The following COLQ variants were observed in gnomAD, a reference collection of about 807,000 sequenced individuals.
The protein encoded by COLQ is collagen like tail subunit of asymmetric acetylcholinesterase.
In COLQ, 48 loss-of-function variants were observed where a neutral mutation model predicts 69.0. That is an observed-to-expected ratio of 0.70 (90% confidence interval 0.55 to 0.88). The LOEUF (loss-of-function observed/expected upper bound fraction) is 0.88. COLQ is among the 40% of genes least tolerant of loss of function. COLQ has a pLI of 0.00. For missense variants in COLQ, 618 were observed against 594.6 expected, an observed-to-expected ratio of 1.04 and a Z score of -0.41; for synonymous variants, 217 against 211.2, an observed-to-expected ratio of 1.03 and a Z score of -0.24.
chr3:15,452,714 A>T (rs1037245386), intron 16 of COLQ, among the ~76,000 whole-genome samples: 1 of 152,162 alleles, frequency 6.6e-6, no homozygotes, highest in Non-Finnish European at 1.5e-5. Flanking sequence ...CACTGCACAC[A>T]GACACATACA....
At position 15,474,856 on chromosome 3, in the gene COLQ, G is replaced by A. The variant is rs138483102; in HGVS notation, c.555+69C>T. 2.6e-6 allele frequency: 4 copies of A among 1,558,982 alleles called. No homozygotes were observed. In the African/African-American group the frequency reaches 4.1e-5, roughly 16 times the overall value. ...AAAGAGAGACCTGGACCCATTCTCT[G>A]CATGTCTCTGATTCCAGAGCCAGTA... On this transcript the variant is annotated intron_variant, in intron 8 of 16. Transcript: ENST00000383788.
intron 1 of COLQ, among the ~76,000 whole-genome samples, chr3:15,511,719 A>C (rs79199464): frequency 0.02 from 2,990 of 152,216 alleles, 46 homozygotes; most frequent in Non-Finnish European, 0.031. Flanking sequence ...ATTCCTGGAC[A>C]CTGTGCTCAG....
chr3:15,474,837 A>T, intron 8 of COLQ, 88 bp downstream of exon 8: 1 of 1,465,586 alleles, frequency 6.8e-7, no homozygotes, highest in East Asian at 2.3e-5. Context: ...GACTAAAGAG[A>T]GACCTGGACC....
intron 3 of COLQ, among the ~76,000 whole-genome samples, chr3:15,485,199 G>A (rs2062554284): frequency 6.6e-6 from 1 of 152,200 alleles, no homozygotes; most frequent in Non-Finnish European, 1.5e-5. Context: ...CACCAGTGGA[G>A]GCTGCAGAAC....
At chr3:15,478,930 G>C (rs2062428296) in intron 5 of COLQ, 47 bp downstream of exon 5, 1 of 1,613,308 alleles carries the variant, frequency 6.2e-7, no homozygotes. Flanking sequence ...GCACACACAT[G>C]AAGCACAGAC....
chr3:15,515,936 G>A (rs955471159), intron 1 of COLQ, among the ~76,000 whole-genome samples: 2 of 152,230 alleles, frequency 1.3e-5, no homozygotes, highest in South Asian at 4.1e-4. Flanking sequence ...TGTGGCAGTG[G>A]TGGCTGTGGA....
At chr3:15,478,868 G>T in intron 5 of COLQ, 109 bp downstream of exon 5, 2 of 1,276,082 alleles carry the variant, frequency 1.6e-6, no homozygotes, top group South Asian at 1.2e-5. Context: ...GTCCACCTGG[G>T]TATCAGTGAC....
intron 3 of COLQ, among the ~76,000 whole-genome samples, chr3:15,486,354 A>G (rs947968873): frequency 6.6e-6 from 1 of 152,174 alleles, no homozygotes; most frequent in African/African-American, 2.4e-5. Context: ...ACCAGCTCCC[A>G]TATGATACCA....
intron 5 of COLQ, 60 bp from the exon 6 acceptor site, chr3:15,477,257 T>C: frequency 6.8e-7 from 1 of 1,478,650 alleles, no homozygotes; most frequent in Non-Finnish European, 9.3e-7. Flanking sequence ...TTCTAATAAA[T>C]ATGTTTTGTC....
At chr3:15,520,297 T>C (rs1332289024) in intron 1 of COLQ, among the ~76,000 whole-genome samples, 1 of 152,186 alleles carries the variant, frequency 6.6e-6, no homozygotes, top group African/African-American at 2.4e-5. Context: ...CCTCCTGAAT[T>C]CTCCACAAAT....
chr3:15,496,426 C>T lies in COLQ; in HGVS notation c.107-6789G>A, dbSNP rs543087014. The T allele has an allele frequency of 2.6e-5, 4 of 156,080 alleles. No individual in the cohort carries two copies. The South Asian group carries it at 6.1e-4, about 24-fold the overall frequency. 9.7% of individuals were successfully genotyped at this position (156,080 alleles called of 1,614,324 possible). On this transcript the variant is annotated intron_variant, in intron 1 of 16. Coordinates refer to ENST00000383788, the MANE Select transcript of COLQ (RefSeq NM_005677.4). ...CTCCCAGTCAACTAAGCCAGGACTT[C>T]ACATGTCTATTTTGGTGTCATCCGA...
rs118113595 is a variant in COLQ at position 15,486,375 on chromosome 3, T to C, written c.321+1831A>G. Among the ~76,000 whole-genome samples, 63 of 152,292 alleles carry C rather than the reference T, an allele frequency of 4.1e-4. 2 individuals are homozygous for C. The East Asian group carries it at 9.3e-3, about 22-fold the overall frequency. Reference sequence around the variant, plus strand: ...TCCCATATGATACCAATGTTGCTGGTTCACAGACCTCACTTTGAGTAGGGA... The same window carrying C: ...TCCCATATGATACCAATGTTGCTGGCTCACAGACCTCACTTTGAGTAGGGA... On this transcript the variant is annotated intron_variant, in intron 3 of 16. Transcript: ENST00000383788.
chr3:15,465,276 ATTTATTTT>A lies in COLQ; in HGVS notation c.814+1057_814+1064del, dbSNP rs1559515592. Among the ~76,000 whole-genome samples, 8 of 143,964 alleles carry A rather than the reference ATTTATTTT, an allele frequency of 5.6e-5. No individual in the cohort carries two copies. In the East Asian group the frequency reaches 1.6e-3, roughly 28 times the overall value. 94.4% of individuals were successfully genotyped at this position (143,964 alleles called of 152,430 possible). ...TATTTATTTATTTATTTATTTATTT[ATTTATTTT>A]GAGATGGAGTCTCGCTCTGTCACCC... is the stretch of plus-strand genomic sequence containing the variant. On this transcript the variant is annotated intron_variant, in intron 12 of 16. Transcript: ENST00000383788.
chr3:15,498,007 G>C (rs1240222185), intron 1 of COLQ, among the ~76,000 whole-genome samples: 1 of 152,194 alleles, frequency 6.6e-6, no homozygotes, highest in Non-Finnish European at 1.5e-5. Flanking sequence ...AGCAGGCAAG[G>C]ATACAACCTA....
rs549376880 is a variant in COLQ, at chr3:15,495,678, A to G, written c.107-6041T>C. Reference sequence around the variant, plus strand: ...GCAAAACACCATGCCGAGCTCTGAGAGTCAGGGCAGCTCCAGCTGTCACGG... The same window carrying G: ...GCAAAACACCATGCCGAGCTCTGAGGGTCAGGGCAGCTCCAGCTGTCACGG... On this transcript the variant is annotated intron_variant, in intron 1 of 16. Transcript: ENST00000383788. 3.9e-5 allele frequency among the ~76,000 whole-genome samples: 6 copies of G among 152,214 alleles called. No homozygotes were observed. In the South Asian group the frequency reaches 1.0e-3, roughly 26 times the overall value.
intron 1 of COLQ, among the ~76,000 whole-genome samples, chr3:15,494,571 G>A (rs1361684506): frequency 6.6e-6 from 1 of 152,110 alleles, no homozygotes; most frequent in African/African-American, 2.4e-5. Context: ...TAGTTGGAAA[G>A]GCTTGCAGAG....
intron 11 of COLQ, 37 bp downstream of exon 11, chr3:15,470,499 C>A: frequency 6.3e-7 from 1 of 1,599,286 alleles, no homozygotes; most frequent in Non-Finnish European, 8.6e-7. Context: ...TCAGGAAGTT[C>A]TGACCTCAGG....
At chr3:15,460,363 G>C (rs1358551801) in intron 12 of COLQ, among the ~76,000 whole-genome samples, 1 of 152,188 alleles carries the variant, frequency 6.6e-6, no homozygotes, top group East Asian at 1.9e-4. Context: ...CCATCTAACA[G>C]GAAGTGAGGA....
chr3:15,454,031 G>T (rs1217655798), intron 15 of COLQ, 100 bp from the exon 16 acceptor site: 1 of 795,402 alleles, frequency 1.3e-6, no homozygotes, highest in Non-Finnish European at 2.2e-6. Flanking sequence ...CAACCTAAGT[G>T]CTGCACCCCT....
Sources: gnomAD v4.1 joint callset for allele counts (sites outside exome capture counted in the v4.1 genomes callset) on GRCh38, gnomAD v4.1.1 for gene constraint, MANE v1.5 for transcripts, NCBI Gene and HGNC (gene_info 2026-07-23, HGNC 2026-07-21) for gene names.